The following ALS2CL variants were observed in gnomAD, a reference collection of about 807,000 sequenced individuals.
ALS2CL encodes ALS2 C-terminal like.
Under a neutral mutation model 127.9 loss-of-function variants are expected in ALS2CL, and 112 were observed. That is an observed-to-expected ratio of 0.88 (90% confidence interval 0.75 to 1.02). The LOEUF (loss-of-function observed/expected upper bound fraction) is 1.02. Among genes scored for constraint, ALS2CL ranks in the 50% least tolerant of loss-of-function variants. The probability of loss-of-function intolerance (pLI) is 0.00; values close to 1 mark genes in which losing one functional copy is unlikely to be tolerated. For synonymous variants in ALS2CL, 519 were observed against 527.6 expected (o/e 0.98, Z 0.22); for missense variants, 1,174 against 1,236.7 (o/e 0.95, Z 0.76).
chr3:46,684,109 G>A, intron 7 of ALS2CL, 62 bp from the exon 8 acceptor site: 1 of 1,531,034 alleles, frequency 6.5e-7, no homozygotes, highest in Non-Finnish European at 8.8e-7. Flanking sequence ...CTACCCTCTG[G>A]CCAAGGCTTG....
rs757452128 is a variant in ALS2CL, at chr3:46,676,889, T to C, written c.1891A>G (p.Arg631Gly). Residue 631 changes from arginine (R) to glycine (G), a missense_variant, in exon 17 of 26, where the codon AGG becomes GGG. By Grantham distance (125) the Arg-to-Gly change is moderately radical. Coordinates refer to ENST00000318962, the MANE Select transcript of ALS2CL (RefSeq NM_147129.5). Reference sequence around the variant, plus strand: ...TAATCCTGAGACCTACGCAGCTCCCTGGAGCTCTGCACGTCGAAGCCCAGC... The same window carrying C: ...TAATCCTGAGACCTACGCAGCTCCCCGGAGCTCTGCACGTCGAAGCCCAGC... ...ALLGFDVQSS[R>G]ELRRSQDYLS... The C allele has an allele frequency of 1.9e-6, 3 of 1,596,118 alleles. No homozygotes were observed. Among genetic ancestry groups the C allele is most frequent in the Non-Finnish European group, 2.6e-6 (3 of 1,169,350 alleles).
Position 46,671,076 on chromosome 3 carries a change from G to C in ALS2CL, c.2782-12C>G, listed in dbSNP as rs1698343638. ...TGCTCGTAACAGGACTGGAGGGAGAGAGGCAAGGCTGAGGCCAGTTGACCT... is the reference window on the plus strand; with the variant it reads ...TGCTCGTAACAGGACTGGAGGGAGACAGGCAAGGCTGAGGCCAGTTGACCT... On this transcript the variant is annotated splice_polypyrimidine_tract_variant and intron_variant, in intron 25 of 25. Coordinates refer to ENST00000318962, the MANE Select transcript of ALS2CL (RefSeq NM_147129.5). 1.2e-6 allele frequency: 2 copies of C among 1,613,596 alleles called. No individual in the cohort carries two copies. The highest frequency in any genetic ancestry group is 1.7e-5 in the Admixed American group (1 of 60,006).
At position 46,670,899 on chromosome 3, in the gene ALS2CL, G is replaced by T; in HGVS notation, c.*85C>A. The T allele has an allele frequency of 7.3e-7, 1 of 1,377,512 alleles. No individual in the cohort carries two copies. The highest frequency in any genetic ancestry group is 1.0e-6 in the Non-Finnish European group (1 of 970,644). The allele number at this position is 1,377,512 out of a possible 1,614,324, so 85.3% of individuals were successfully genotyped here. A position where few individuals can be genotyped will look rare whatever the true frequency, so the allele number is the denominator to read the frequency against. ...TCTCCTCCAAGAGCTGCTTCTGAGG[G>T]CCTGTCCTGCCCCTTGCCTTGGGTA... On this transcript the variant is annotated 3_prime_UTR_variant, in exon 26 of 26. Coordinates refer to ENST00000318962, the MANE Select transcript of ALS2CL (RefSeq NM_147129.5). This position sits in a 1 kb window ranked among gnomAD's most constrained non-coding sequence, Gnocchi z 5.5.
intron 17 of ALS2CL, 51 bp downstream of exon 17, chr3:46,676,796 GAA>G: frequency 6.2e-7 from 1 of 1,607,226 alleles, no homozygotes; most frequent in Non-Finnish European, 8.5e-7. Flanking sequence ...CTCCCCCCAG[GAA>G]GCCCTCCCCA....
In ALS2CL at chr3:46,687,697, C is replaced by T. The variant is rs770431168; in HGVS notation, c.303-13G>A. On this transcript the variant is annotated splice_polypyrimidine_tract_variant and intron_variant, in intron 3 of 25. Coordinates refer to ENST00000318962, the MANE Select transcript of ALS2CL (RefSeq NM_147129.5). ...GGACTCAATGTACCTGCAGGCAGCA[C>T]AGGGGACACCCTGCAAACCCAGTCC... is the stretch of plus-strand genomic sequence containing the variant. 2 of 1,609,528 alleles carry T rather than the reference C, an allele frequency of 1.2e-6. No individual in the cohort carries two copies. The highest frequency in any genetic ancestry group is 4.5e-5 in the East Asian group (2 of 44,832).
intron 1 of ALS2CL, 133 bp from the exon 2 acceptor site, chr3:46,689,598 T>C: frequency 1.6e-6 from 1 of 606,976 alleles, no homozygotes. Context: ...CCAGATCGCC[T>C]CAAAGGGGAG....
chr3:46,678,235 G>T, intron 16 of ALS2CL, 24 bp downstream of exon 16: 1 of 1,552,448 alleles, frequency 6.4e-7, no homozygotes, highest in South Asian at 1.2e-5. Context: ...GATAGGCCCA[G>T]AGCCAGAGGG....
At chr3:46,688,005 G>C (rs1201999545) in intron 3 of ALS2CL, 93 bp downstream of exon 3, 2 of 1,458,298 alleles carry the variant, frequency 1.4e-6, no homozygotes, top group Admixed American at 3.8e-5. Flanking sequence ...CTTGAACCCT[G>C]ACCCATGTGA....
chr3:46,679,088 G>T, intron 15 of ALS2CL, 122 bp downstream of exon 15: 1 of 1,013,960 alleles, frequency 9.9e-7, no homozygotes, highest in Non-Finnish European at 1.4e-6. Flanking sequence ...CCACTCCTTG[G>T]CTCCAAGGGA....
intron 4 of ALS2CL, 68 bp from the exon 5 acceptor site, chr3:46,687,216 C>G (rs1306598225): frequency 6.9e-7 from 1 of 1,438,998 alleles, no homozygotes; most frequent in African/African-American, 1.4e-5. Flanking sequence ...ACCGCCACCT[C>G]CCTGCCCCAG....
intron 22 of ALS2CL, 108 bp downstream of exon 22, chr3:46,673,231 T>C: frequency 1.4e-4 from 67 of 485,628 alleles, no homozygotes; most frequent in Non-Finnish European, 2.0e-4. Flanking sequence ...ACCCTGCCCC[T>C]CCCCAGCTCC....
In ALS2CL at chr3:46,687,023, T is replaced by C. The variant is rs1699841210; in HGVS notation, c.494A>G (p.Tyr165Cys). Residue 165 changes from tyrosine to cysteine, a missense_variant, in exon 5 of 26, where the codon TAC (tyrosine) becomes TGC (cysteine). Tyr to Cys is a radical substitution (Grantham distance 194, BLOSUM62 -2). Transcript: ENST00000318962. Reference sequence around the variant, plus strand: ...CCCGAGGCTCAGCAGGAGGAGCACGTACTGTTGCACGTGATGGGCGAGTGG... The same window carrying C: ...CCCGAGGCTCAGCAGGAGGAGCACGCACTGTTGCACGTGATGGGCGAGTGG... ...HQPLAHHVQQYVLLLLSLGDT... is the reference protein window; with the variant it reads ...HQPLAHHVQQCVLLLLSLGDT... The C allele has an allele frequency of 6.2e-7, 1 of 1,605,536 alleles. No homozygotes were observed.
At position 46,671,036 on chromosome 3, in the gene ALS2CL, T is replaced by C. The variant is rs1175130773; in HGVS notation, c.2810A>G (p.Asp937Gly). ...ESCYEHIQKE[D>G]MRLHRLPGHW... ...GCCAGGTAAGCGGTGCAGCCTCATG[T>C]CTTCTTTCTGGATGTGCTCGTAACA... Residue 937 changes from aspartate to glycine, a missense_variant, in exon 26 of 26, where the codon GAC (aspartate) becomes GGC (glycine). Transcript: ENST00000318962. 1.9e-6 allele frequency: 3 copies of C among 1,614,130 alleles called. No individual in the cohort carries two copies. The highest frequency in any genetic ancestry group is 1.7e-5 in the Admixed American group (1 of 60,028).
intron 25 of ALS2CL, among the ~76,000 whole-genome samples, 184 bp downstream of exon 25, chr3:46,671,304 A>G (rs1187682899): frequency 1.3e-5 from 2 of 151,340 alleles, no homozygotes; most frequent in African/African-American, 4.9e-5. Context: ...GCACTGTGGG[A>G]CCCCTCCCTG....
In ALS2CL at chr3:46,669,564, C is replaced by A. The variant is rs867342510; in HGVS notation, c.*1420G>T. On this transcript the variant is annotated 3_prime_UTR_variant, in exon 26 of 26. Transcript: ENST00000318962. ...AAAGGATAGAATCCTAGTGAGCTGC[C>A]CCAGTCCCGGTAAGCATGAGTGCCT... is the stretch of plus-strand genomic sequence containing the variant. 4 of 152,244 alleles carry A rather than the reference C, an allele frequency of 2.6e-5. No homozygotes were observed. The highest frequency in any genetic ancestry group is 9.7e-5 in the African/African-American group (4 of 41,450). 9.4% of individuals were successfully genotyped at this position (152,244 alleles called of 1,614,324 possible).
rs986898557 is a variant in ALS2CL at position 46,686,866 on chromosome 3, G to A, written c.534+117C>T. 18 of 1,239,108 alleles carry A rather than the reference G, an allele frequency of 1.5e-5. No individual in the cohort carries two copies. The highest frequency in any genetic ancestry group is 4.6e-5 in the African/African-American group (3 of 65,134). The allele number at this position is 1,239,108 out of a possible 1,614,324, so 76.8% of individuals were successfully genotyped here. On this transcript the variant is annotated intron_variant, in intron 5 of 25. Transcript: ENST00000318962. This position sits in a 1 kb window ranked among gnomAD's most constrained non-coding sequence, Gnocchi z 4.3. ...CTTCCTCAACCCTCTCCCACCTGCC[G>A]GCATGGCTGAGTCCTTCTTGTACTA...
Position 46,683,231 on chromosome 3 carries a change from C to A in ALS2CL, c.1008G>T (p.Gln336His). Residue 336 changes from glutamine (Q) to histidine (H), a missense_variant, in exon 10 of 26, where the codon CAG becomes CAT. Transcript: ENST00000318962. The part of the protein sequence containing the change: ...PVLGAGLEPS[Q>H]PPDCRCAEYT... ...ATTCTGCGCAGCGGCAGTCGGGAGG[C>A]TGGGAGGGCTCCAGGCCAGCCCCCA... The A allele has an allele frequency of 6.2e-7, 1 of 1,609,870 alleles. No individual in the cohort carries two copies. The highest frequency in any genetic ancestry group is 1.1e-5 in the South Asian group (1 of 90,566).
chr3:46,675,698 T>G lies in ALS2CL; in HGVS notation c.2187-12A>C. 3 of 1,613,282 alleles carry G rather than the reference T, an allele frequency of 1.9e-6. No homozygotes were observed. The highest frequency in any genetic ancestry group is 2.5e-6 in the Non-Finnish European group (3 of 1,179,946). On this transcript the variant is annotated splice_polypyrimidine_tract_variant and intron_variant, in intron 19 of 25. Transcript: ENST00000318962. ...CTCGCAGCAGACCCCTGTGAGTCAA[T>G]GAGAGAGAAATGGTGTGGCTGCCCC... is the stretch of plus-strand genomic sequence containing the variant.
At position 46,677,441 on chromosome 3, in the gene ALS2CL, G is replaced by A. The variant is rs548215444; in HGVS notation, c.1758-419C>T. 238 of 1,009,216 alleles carry A rather than the reference G, an allele frequency of 2.4e-4. 2 individuals carry two copies. In the African/African-American group the frequency reaches 3.6e-3, roughly 15 times the overall value. The allele number at this position is 1,009,216 out of a possible 1,614,324, so 62.5% of individuals were successfully genotyped here. On this transcript the variant is annotated intron_variant, in intron 16 of 25. Coordinates refer to ENST00000318962, the MANE Select transcript of ALS2CL (RefSeq NM_147129.5). Reference sequence around the variant, plus strand: ...GATCCCGCCCTGGCCAACAGGCTGGGGCCTGGCTGCGCATGTCTAATGGAG... The same window carrying A: ...GATCCCGCCCTGGCCAACAGGCTGGAGCCTGGCTGCGCATGTCTAATGGAG...
Sources: gnomAD v4.1 joint callset for allele counts (sites outside exome capture counted in the v4.1 genomes callset) on GRCh38, gnomAD v4.1.1 for gene constraint, Gnocchi (gnomAD v3.1) non-coding constraint, MANE v1.5 for transcripts, NCBI Gene and HGNC (gene_info 2026-07-23, HGNC 2026-07-21) for gene names.